BRWD3: variants seen among roughly 807,000 people sequenced by gnomAD.
BRWD3 encodes bromodomain and WD repeat-containing protein 3.
A neutral mutation model predicts 149.7 loss-of-function variants in BRWD3; 10 were observed. The ratio of observed to expected loss-of-function variants is 0.07; its 90% CI spans 0.04 to 0.11. The LOEUF is 0.11. Ranked by LOEUF, BRWD3 falls within the 10% of genes least tolerant of loss-of-function variation. The probability of loss-of-function intolerance (pLI) is 1.00; values close to 1 mark genes in which losing one functional copy is unlikely to be tolerated. For missense variants in BRWD3, 940 were observed against 1,373.2 expected, an observed-to-expected ratio of 0.68 and a Z score of 4.99; for synonymous variants, 504 against 456.7, an observed-to-expected ratio of 1.10 and a Z score of -1.32.
At chrX:80,770,015 T>C (rs999175240) in intron 6 of BRWD3, among the ~76,000 whole-genome samples, 10 of 111,436 alleles carry the variant, frequency 9.0e-5, no homozygotes, top group African/African-American at 2.9e-4. Context: ...AATGGATAAA[T>C]TCCTCGACAC....
intron 1 of BRWD3, 28 bp downstream of exon 1, chrX:80,809,413 C>CA: frequency 6.2e-6 from 7 of 1,136,348 alleles, no homozygotes; most frequent in Non-Finnish European, 8.3e-6. Context: ...CCCTTAGCAC[C>CA]CCCCCACCCC....
rs2074384033 is a variant in BRWD3 at position 80,809,227 on chromosome X, ATC to A, written c.90+17_90+18del. ...TGGGACCATTCACCACGACTCCCAG[ATC>A]TCTTTCTTCCCCTTACCTGAGCGGA... is the stretch of plus-strand genomic sequence containing the variant. On this transcript the variant is annotated intron_variant, in intron 2 of 40. Coordinates refer to ENST00000373275, the MANE Select transcript of BRWD3 (RefSeq NM_153252.5). 8.4e-7 allele frequency: 1 copy of A among 1,194,553 alleles called. No individual in the cohort carries two copies. Among genetic ancestry groups the A allele is most frequent in the East Asian group, 3.0e-5 (1 of 33,534 alleles).
intron 6 of BRWD3, among the ~76,000 whole-genome samples, chrX:80,783,311 G>A (rs2074074724): frequency 9.2e-6 from 1 of 108,741 alleles, no homozygotes; most frequent in Non-Finnish European, 1.9e-5. Flanking sequence ...ACTTGAACCC[G>A]GGAGGCAGAG....
rs753801203 is a variant in BRWD3 at position 80,745,424 on chromosome X, C to CT, written c.591+144dup. ...TCGTTTACTTATATAAAATGAGAAA[C>CT]TTTTTTCAATTTCCACTCATCTTTT... On this transcript the variant is annotated intron_variant, in intron 7 of 40. Transcript: ENST00000373275. 12 of 485,207 alleles carry CT rather than the reference C, an allele frequency of 2.5e-5. No individual in the cohort carries two copies. In the East Asian group the frequency reaches 3.1e-4, roughly 12 times the overall value. The allele number at this position is 485,207 out of a possible 1,213,427, so 40.0% of individuals were successfully genotyped here.
chrX:80,713,828 A>G (rs1034329175), intron 20 of BRWD3, among the ~76,000 whole-genome samples: 1 of 112,583 alleles, frequency 8.9e-6, no homozygotes, highest in Non-Finnish European at 1.9e-5. Flanking sequence ...CTCTTTTGTT[A>G]TTCTCTTGCT....
At position 80,682,484 on chromosome X, in the gene BRWD3, A is replaced by C; in HGVS notation, c.4378T>G (p.Ser1460Ala). 1 of 1,210,539 alleles carries C rather than the reference A, an allele frequency of 8.3e-7. No individual in the cohort carries two copies. Among genetic ancestry groups the C allele is most frequent in the South Asian group, 1.8e-5 (1 of 56,970 alleles). The change falls in exon 38 of 41, where the codon TCT becomes GCT. Residue 1460 changes from serine (S) to alanine (A), a missense_variant. This residue lies in a region of BRWD3 where 349 missense variants were observed against 419.6 expected (regional missense o/e 0.83). Transcript: ENST00000373275. Reference sequence around the variant, plus strand: ...TGATACCTAGGTGCTCCACTACTAGATAATGAACTGCTGCTGCTTCTTAGA... The same window carrying C: ...TGATACCTAGGTGCTCCACTACTAGCTAATGAACTGCTGCTGCTTCTTAGA... ...KRLRSSSSSL[S>A]SSGAPSPKGK...
chrX:80,808,609 G>C lies in BRWD3; in HGVS notation c.121-11C>G. 8.3e-7 allele frequency: 1 copy of C among 1,206,292 alleles called. No individual in the cohort carries two copies. The highest frequency in any genetic ancestry group is 1.1e-6 in the Non-Finnish European group (1 of 891,818). ...GCGGCGCGGAATCAGCTGGGGGCCG[G>C]ACGAAAAGAAAGGGGGAAGCGGAGG... On this transcript the variant is annotated splice_polypyrimidine_tract_variant and intron_variant, in intron 3 of 40. Transcript: ENST00000373275.
At chrX:80,745,438 C>T in intron 7 of BRWD3, 131 bp downstream of exon 7, 15 of 513,678 alleles carry the variant, frequency 2.9e-5, no homozygotes, top group East Asian at 7.7e-5. Flanking sequence ...TTTCAATTTC[C>T]ACTCATCTTT....
chrX:80,680,668 C>G (rs1366858852), intron 40 of BRWD3, among the ~76,000 whole-genome samples: 1 of 111,198 alleles, frequency 9.0e-6, no homozygotes, highest in Non-Finnish European at 1.9e-5. Flanking sequence ...CAGTGGGCCA[C>G]AAAAATATGA....
At chrX:80,740,822 G>C (rs1490904154) in intron 8 of BRWD3, among the ~76,000 whole-genome samples, 1 of 111,756 alleles carries the variant, frequency 8.9e-6, no homozygotes, top group South Asian at 3.7e-4. Flanking sequence ...CCTAAACACA[G>C]ACACACACAT....
intron 14 of BRWD3, 117 bp downstream of exon 14, chrX:80,728,635 A>G: frequency 1.6e-6 from 1 of 622,979 alleles, no homozygotes; most frequent in South Asian, 3.3e-5. Context: ...TCAGAAAATC[A>G]TTTTTCCAAG....
Position 80,722,587 on chromosome X carries a change from T to C in BRWD3, c.1851A>G (p.Ile617Met), listed in dbSNP as rs759820759. 1 of 1,210,923 alleles carries C rather than the reference T, an allele frequency of 8.3e-7. No individual in the cohort carries two copies. The highest frequency in any genetic ancestry group is 1.1e-6 in the Non-Finnish European group (1 of 894,671). ...GRENCKDEQL[I>M]PQLGYVANGD... is the part of the protein sequence containing the mutation. ...CATTAGCCACATATCCCAGCTGTGG[T>C]ATAAGCTGTTCATCTTTACAATTTT... Residue 617 changes from isoleucine (I) to methionine (M), a missense_variant, in exon 17 of 41, where the codon ATA (isoleucine) becomes ATG (methionine). Ile to Met is a conservative substitution (Grantham distance 10). Around this residue, in one of 6 missense-constraint regions of BRWD3, gnomAD observed 209 missense variants for 396.8 expected, o/e 0.53. Transcript: ENST00000373275.
In BRWD3 at chrX:80,673,670, T is replaced by G. The variant is rs768215926; in HGVS notation, c.*2939A>C. 2.2e-4 allele frequency: 25 copies of G among 111,757 alleles called. No individual in the cohort carries two copies. The highest frequency in any genetic ancestry group is 4.3e-4 in the Non-Finnish European group (23 of 53,066). The allele number at this position is 111,757 out of a possible 1,213,427, so 9.2% of individuals were successfully genotyped here. A position where few individuals can be genotyped will look rare whatever the true frequency, so the allele number is the denominator to read the frequency against. On this transcript the variant is annotated 3_prime_UTR_variant, in exon 41 of 41. Coordinates refer to ENST00000373275, the MANE Select transcript of BRWD3 (RefSeq NM_153252.5). ...ATAAATATATACACACACTAAGATCTTAAAGCTGGGAATTTAAACATTATT... is the reference window on the plus strand; with the variant it reads ...ATAAATATATACACACACTAAGATCGTAAAGCTGGGAATTTAAACATTATT...
intron 6 of BRWD3, among the ~76,000 whole-genome samples, chrX:80,754,079 T>A (rs190455303): frequency 8.9e-6 from 1 of 112,147 alleles, no homozygotes; most frequent in African/African-American, 3.2e-5. Flanking sequence ...TTCATGGAGA[T>A]TACACTGAAT....
At chrX:80,795,148 G>A (rs1028051412) in intron 4 of BRWD3, among the ~76,000 whole-genome samples, 4 of 110,836 alleles carry the variant, frequency 3.6e-5, no homozygotes, top group African/African-American at 6.6e-5. Context: ...AACAAAAATC[G>A]TGTTGCATTT....
rs1470847481 is a variant in BRWD3, at chrX:80,671,635, C to T, written c.*4974G>A. ...GTTTTTTTGTCTTTGAAGATAATTG[C>T]TTATAATGACTGATAACTGCCAAAC... On this transcript the variant is annotated 3_prime_UTR_variant, in exon 41 of 41. Coordinates refer to ENST00000373275, the MANE Select transcript of BRWD3 (RefSeq NM_153252.5). 8.9e-6 allele frequency: 1 copy of T among 111,972 alleles called. No homozygotes were observed. The highest frequency in any genetic ancestry group is 1.9e-5 in the Non-Finnish European group (1 of 53,162). The allele number at this position is 111,972 out of a possible 1,213,427, so 9.2% of individuals were successfully genotyped here.
Position 80,724,935 on chromosome X carries a change from T to C in BRWD3, c.1519A>G (p.Met507Val). 1 of 1,210,512 alleles carries C rather than the reference T, an allele frequency of 8.3e-7. No homozygotes were observed. The highest frequency in any genetic ancestry group is 1.1e-6 in the Non-Finnish European group (1 of 894,533). Residue 507 changes from methionine (M) to valine (V), a missense_variant and splice_region_variant, in exon 15 of 41, where the codon ATG becomes GTG. Physicochemically the swap from Met to Val is conservative, Grantham distance 21. Transcript: ENST00000373275. ...RGTKIRNYFN[M>V]IEGQGHGAVF... ...AGATACAGGTAGGTGTCTCTTACCA[T>C]GTTAAAGTAATTCCGAATTTTGGTC...
At position 80,681,357 on chromosome X, in the gene BRWD3, A is replaced by T. The variant is rs2072444644; in HGVS notation, c.4638T>A (p.Val1546=). 7 of 1,208,392 alleles carry T rather than the reference A, an allele frequency of 5.8e-6. No homozygotes were observed. The highest frequency in any genetic ancestry group is 7.8e-6 in the Non-Finnish European group (7 of 894,570). ...PGKAKSFRNR[V]LPVKQDHSLD... is the part of the protein sequence containing the mutation. ...ATTTCCTACCTTGTTTAACTGGCAAAACTCTATTCCGAAATGATTTGGCTT... is the reference window on the plus strand; with the variant it reads ...ATTTCCTACCTTGTTTAACTGGCAATACTCTATTCCGAAATGATTTGGCTT... The change falls in exon 40 of 41, where the codon GTT becomes GTA. Residue 1546 remains valine, a synonymous_variant. Coordinates refer to ENST00000373275, the MANE Select transcript of BRWD3 (RefSeq NM_153252.5).
intron 6 of BRWD3, among the ~76,000 whole-genome samples, chrX:80,786,818 C>A (rs1344777522): frequency 8.9e-6 from 1 of 111,934 alleles, no homozygotes; most frequent in African/African-American, 3.2e-5. Context: ...CCTAATCCAC[C>A]GTGCCCGGCC....
Sources: gnomAD v4.1 joint callset for allele counts (sites outside exome capture counted in the v4.1 genomes callset) on GRCh38, gnomAD v4.1.1 for gene constraint, gnomAD v4.1.1 regional missense constraint, MANE v1.5 for transcripts, NCBI Gene and HGNC (gene_info 2026-07-23, HGNC 2026-07-21) for gene names.